FAM227B: variants seen among roughly 807,000 people sequenced by gnomAD.
The protein encoded by FAM227B is family with sequence similarity 227 member B.
FAM227B carries 88 observed loss-of-function variants against 73.8 expected under a neutral mutation model. The observed-to-expected ratio is 1.19, with a 90% CI of 1.00 to 1.42. The LOEUF (loss-of-function observed/expected upper bound fraction) is 1.42, where lower values mean the gene tolerates loss of function less well. Among genes scored for constraint, FAM227B ranks in the 40% most tolerant of loss-of-function variants. The pLI, the probability that FAM227B is intolerant of heterozygous loss-of-function variation, is 0.00. For missense variants in FAM227B, 632 were observed against 590.9 expected, an observed-to-expected ratio of 1.07 and a Z score of -0.72; for synonymous variants, 210 against 190.5, an observed-to-expected ratio of 1.10 and a Z score of -0.84.
intron 10 of FAM227B, among the ~76,000 whole-genome samples, chr15:49,521,402 G>A (rs949119343): frequency 6.6e-6 from 1 of 152,186 alleles, no homozygotes; most frequent in African/African-American, 2.4e-5. Context: ...GTTCTGCCTA[G>A]CAAAAGGGCA....
intron 5 of FAM227B, among the ~76,000 whole-genome samples, chr15:49,585,356 G>T (rs1379608884): frequency 6.6e-6 from 1 of 152,198 alleles, no homozygotes; most frequent in African/African-American, 2.4e-5. Flanking sequence ...ATACCCAAAG[G>T]ATTATAAATC....
intron 3 of FAM227B, among the ~76,000 whole-genome samples, chr15:49,591,048 T>TA (rs1211191603): frequency 5.9e-5 from 8 of 136,520 alleles, no homozygotes; most frequent in Non-Finnish European, 1.3e-4. Flanking sequence ...TTTTTTGATT[T>TA]TTTTTTTTTT....
intron 11 of FAM227B, among the ~76,000 whole-genome samples, chr15:49,435,924 T>C (rs1050018371): frequency 2.6e-5 from 4 of 151,596 alleles, no homozygotes; most frequent in African/African-American, 9.7e-5. Flanking sequence ...AATGTAAGTA[T>C]ATAATTAATG....
At chr15:49,616,179 G>A (rs2078276808) in intron 1 of FAM227B, among the ~76,000 whole-genome samples, 2 of 152,126 alleles carry the variant, frequency 1.3e-5, no homozygotes, top group Non-Finnish European at 2.9e-5. Context: ...ATAACAAGAT[G>A]TGACTTTATT....
intron 11 of FAM227B, chr15:49,422,815 C>G (rs773310689): frequency 9.5e-7 from 1 of 1,050,382 alleles, no homozygotes; most frequent in Non-Finnish European, 1.4e-6. Context: ...TGCTTTAAGG[C>G]ACTCATATGT....
chr15:49,607,619 T>C (rs187954357), intron 3 of FAM227B, among the ~76,000 whole-genome samples: 1 of 152,360 alleles, frequency 6.6e-6, no homozygotes, highest in African/African-American at 2.4e-5. Context: ...AGACTTGTTA[T>C]ATCACAATCC....
At chr15:49,495,324 A>G (rs1214942844) in intron 11 of FAM227B, among the ~76,000 whole-genome samples, 1 of 152,216 alleles carries the variant, frequency 6.6e-6, no homozygotes, top group Non-Finnish European at 1.5e-5. Flanking sequence ...TCTCCAAATA[A>G]TGATGAAATC....
intron 11 of FAM227B, among the ~76,000 whole-genome samples, chr15:49,497,248 T>C (rs1008602291): frequency 1.7e-4 from 26 of 152,148 alleles, no homozygotes; most frequent in African/African-American, 5.3e-4. Context: ...GGGACTATAG[T>C]ATAGGAAAGC....
intron 11 of FAM227B, among the ~76,000 whole-genome samples, chr15:49,438,835 G>GAGAA (rs745914807): frequency 1.3e-4 from 4 of 31,550 alleles, no homozygotes; most frequent in Non-Finnish European, 3.2e-4. Context: ...CTAAGCAACT[G>GAGAA]AGAGAGAGAG....
intron 11 of FAM227B, among the ~76,000 whole-genome samples, chr15:49,465,762 T>C (rs2054214700): frequency 6.6e-6 from 1 of 152,214 alleles, no homozygotes; most frequent in African/African-American, 2.4e-5. Context: ...GAAGGAAATT[T>C]AGCAAATACT....
At chr15:49,512,000 G>C (rs1486178713) in intron 10 of FAM227B, among the ~76,000 whole-genome samples, 4 of 152,252 alleles carry the variant, frequency 2.6e-5, no homozygotes, top group African/African-American at 9.6e-5. Context: ...CAAGGGAACA[G>C]AACTGGGTGG....
chr15:49,553,090 T>C (rs539187905), intron 9 of FAM227B, among the ~76,000 whole-genome samples: 28 of 152,288 alleles, frequency 1.8e-4, no homozygotes, highest in African/African-American at 6.5e-4. Flanking sequence ...CTGCGCTTAT[T>C]TATAGCTGTT....
chr15:49,591,029 G>GTTTTTTTTTTT (rs71424023), intron 3 of FAM227B, among the ~76,000 whole-genome samples: 1 of 105,604 alleles, frequency 9.5e-6, no homozygotes, highest in Non-Finnish European at 2.0e-5. Flanking sequence ...TCTTTTTTTT[G>GTTTTTTTTTTT]TTTTTTTTTT....
At chr15:49,457,918 A>G (rs1307558567) in intron 11 of FAM227B, among the ~76,000 whole-genome samples, 1 of 151,956 alleles carries the variant, frequency 6.6e-6, no homozygotes, top group East Asian at 1.9e-4. Context: ...TTAAACATTT[A>G]ATTAATGTTA....
intron 9 of FAM227B, among the ~76,000 whole-genome samples, chr15:49,556,914 G>C (rs2073759869): frequency 6.6e-6 from 1 of 152,130 alleles, no homozygotes; most frequent in Admixed American, 6.5e-5. Flanking sequence ...GCGTCCATAG[G>C]GGTCATGGGT....
intron 9 of FAM227B, among the ~76,000 whole-genome samples, chr15:49,556,562 GCC>G (rs1055129989): frequency 3.3e-5 from 5 of 152,190 alleles, no homozygotes; most frequent in African/African-American, 1.2e-4. Flanking sequence ...GGCACTGTTT[GCC>G]ACTGCAAGAG....
chr15:49,383,709 C>T (rs905675415), intron 11 of FAM227B, among the ~76,000 whole-genome samples: 8 of 151,872 alleles, frequency 5.3e-5, no homozygotes, highest in Non-Finnish European at 7.4e-5. Flanking sequence ...TAACAGATGA[C>T]GGACATAAGA....
intron 9 of FAM227B, among the ~76,000 whole-genome samples, chr15:49,561,386 C>G (rs964531570): frequency 8.5e-5 from 13 of 152,192 alleles, no homozygotes; most frequent in African/African-American, 2.9e-4. Flanking sequence ...ACTTATGGAC[C>G]TATGAAAAGA....
intron 9 of FAM227B, among the ~76,000 whole-genome samples, chr15:49,542,345 A>G (rs1473563446): frequency 6.6e-6 from 1 of 152,104 alleles, no homozygotes; most frequent in Non-Finnish European, 1.5e-5. Flanking sequence ...TTTGATTTCA[A>G]TAGTTTTGGG....
Sources: allele counts gnomAD v4.1 joint callset (sites outside exome capture counted in the v4.1 genomes callset), GRCh38; gene constraint gnomAD v4.1.1; transcripts MANE v1.5; gene names NCBI Gene and HGNC (gene_info 2026-07-23, HGNC 2026-07-21).